USH2A: variants seen among roughly 807,000 people sequenced by gnomAD.
USH2A encodes the protein usherin, also known as Usher syndrome 2A (autosomal recessive, mild).
A neutral mutation model predicts 538.9 loss-of-function variants in USH2A; 443 were observed. The observed-to-expected ratio is 0.82, with a 90% CI of 0.76 to 0.89. The LOEUF is 0.89. USH2A is among the 40% of genes least tolerant of loss of function. The probability of loss-of-function intolerance (pLI) is 0.00; values close to 1 mark genes in which losing one functional copy is unlikely to be tolerated. For missense variants in USH2A, 6,633 were observed against 6,324.8 expected (o/e 1.05, Z -1.65); for synonymous variants, 2,413 against 2,273.5 (o/e 1.06, Z -1.75).
chr1:216,293,731 A>G (rs1170159809), intron 9 of USH2A, among the ~76,000 whole-genome samples: 1 of 152,198 alleles, frequency 6.6e-6, no homozygotes, highest in African/African-American at 2.4e-5. Context: ...ACAAGGAGGC[A>G]ACACAACCAC....
At chr1:215,666,383 C>T (rs1178155450) in intron 64 of USH2A, among the ~76,000 whole-genome samples, 1 of 152,026 alleles carries the variant, frequency 6.6e-6, no homozygotes, top group Non-Finnish European at 1.5e-5. Flanking sequence ...ACAATAGGAC[C>T]CTTCTTTAGG....
chr1:215,899,452 A>C (rs892706212), intron 40 of USH2A, among the ~76,000 whole-genome samples: 2 of 152,218 alleles, frequency 1.3e-5, no homozygotes, highest in Non-Finnish European at 1.5e-5. Context: ...GTATAAAACC[A>C]AATGTTATAG....
At chr1:215,985,772 T>C (rs1449252910) in intron 35 of USH2A, among the ~76,000 whole-genome samples, 3 of 152,174 alleles carry the variant, frequency 2.0e-5, no homozygotes, top group African/African-American at 7.2e-5. Context: ...ACAACATGTA[T>C]AGAGTGTGTA....
chr1:216,126,145 T>A (rs976526205), intron 21 of USH2A, among the ~76,000 whole-genome samples: 1 of 152,118 alleles, frequency 6.6e-6, no homozygotes, highest in Non-Finnish European at 1.5e-5. Flanking sequence ...TGGAAGAGAG[T>A]GCCTAAATGC....
At chr1:215,953,744 A>T (rs958235128) in intron 37 of USH2A, among the ~76,000 whole-genome samples, 10 of 152,030 alleles carry the variant, frequency 6.6e-5, no homozygotes, top group Non-Finnish European at 8.8e-5. Context: ...GCTTCTGCAC[A>T]GCAAAAGAAA....
chr1:215,996,561 T>TTTTTC (rs1668145813), intron 34 of USH2A, among the ~76,000 whole-genome samples: 1 of 8,798 alleles, frequency 1.1e-4, no homozygotes, highest in African/African-American at 3.6e-4. Flanking sequence ...ACATATTATG[T>TTTTTC]TTTTTTTTTT....
intron 44 of USH2A, 31 bp downstream of exon 44, chr1:215,866,976 G>T (rs1664486100): frequency 6.2e-7 from 1 of 1,613,986 alleles, no homozygotes. Context: ...AATACACAAA[G>T]TGTTAACACA....
chr1:216,335,796 A>T (rs1226084316), intron 4 of USH2A, among the ~76,000 whole-genome samples: 2 of 151,598 alleles, frequency 1.3e-5, no homozygotes, highest in South Asian at 4.1e-4. Context: ...AAATTTCCAC[A>T]AAGAAAAGCT....
intron 61 of USH2A, among the ~76,000 whole-genome samples, chr1:215,688,398 G>A (rs1386352581): frequency 4.6e-5 from 7 of 152,050 alleles, no homozygotes; most frequent in African/African-American, 9.7e-5. Context: ...GAAAACTATC[G>A]AAGGCCTGTA....
intron 71 of USH2A, 92 bp downstream of exon 71, chr1:215,628,722 A>C: frequency 7.4e-7 from 1 of 1,356,684 alleles, no homozygotes; most frequent in Non-Finnish European, 1.1e-6. Flanking sequence ...GGCGAGTGCC[A>C]TGGGGCAGCA....
At chr1:216,392,315 G>T (rs373211373) in intron 3 of USH2A, among the ~76,000 whole-genome samples, 1 of 151,768 alleles carries the variant, frequency 6.6e-6, no homozygotes, top group South Asian at 2.1e-4. Flanking sequence ...TGACTAACAC[G>T]GTGAAACCCT....
intron 32 of USH2A, among the ~76,000 whole-genome samples, chr1:216,003,617 A>G (rs754114655): frequency 2.5e-4 from 38 of 152,028 alleles, no homozygotes; most frequent in Non-Finnish European, 5.1e-4. Flanking sequence ...GACACTCTTG[A>G]GGACTAGCAG....
intron 4 of USH2A, among the ~76,000 whole-genome samples, chr1:216,329,720 C>A (rs1316634926): frequency 6.6e-6 from 1 of 152,008 alleles, no homozygotes; most frequent in Non-Finnish European, 1.5e-5. Context: ...CCTCATACAG[C>A]CCCTAATGTC....
At chr1:216,381,129 G>A (rs2038915656) in intron 3 of USH2A, among the ~76,000 whole-genome samples, 1 of 152,250 alleles carries the variant, frequency 6.6e-6, no homozygotes, top group South Asian at 2.1e-4. Context: ...AGAGGAAGTT[G>A]TATTTGTGGT....
chr1:216,125,368 C>T (rs530963817), intron 21 of USH2A, among the ~76,000 whole-genome samples: 5 of 152,120 alleles, frequency 3.3e-5, no homozygotes, highest in African/African-American at 7.2e-5. Flanking sequence ...CCCTGCCTCT[C>T]GTGCTATAAG....
chr1:216,039,833 A>G (rs919456286), intron 32 of USH2A, among the ~76,000 whole-genome samples: 2 of 151,972 alleles, frequency 1.3e-5, no homozygotes, highest in African/African-American at 4.8e-5. Context: ...AAGTGTTTGG[A>G]AAGTTTAAGA....
chr1:216,151,161 G>A (rs573218563), intron 21 of USH2A, among the ~76,000 whole-genome samples: 8 of 151,946 alleles, frequency 5.3e-5, no homozygotes, highest in Non-Finnish European at 1.0e-4. Context: ...CCCCCTCTAC[G>A]CAGTTACCCC....
At chr1:216,147,869 G>A (rs1029590278) in intron 21 of USH2A, among the ~76,000 whole-genome samples, 8 of 150,608 alleles carry the variant, frequency 5.3e-5, no homozygotes, top group South Asian at 2.1e-4. Context: ...CGCAGCCCGG[G>A]ATTCCTCCTA....
At chr1:216,398,566 ACACTCTCTCCC>A (rs2039255992) in intron 3 of USH2A, among the ~76,000 whole-genome samples, 1 of 152,040 alleles carries the variant, frequency 6.6e-6, no homozygotes, top group Non-Finnish European at 1.5e-5. Context: ...ACACACACAC[ACACTCTCTCCC>A]CACACACACT....
Sources: allele counts gnomAD v4.1 joint callset (sites outside exome capture counted in the v4.1 genomes callset), GRCh38; gene constraint gnomAD v4.1.1; transcripts MANE v1.5; gene names NCBI Gene and HGNC (gene_info 2026-07-23, HGNC 2026-07-21).